IRAK3: variants seen among roughly 807,000 people sequenced by gnomAD.
IRAK3 encodes interleukin 1 receptor associated kinase 3.
Under a neutral mutation model 56.6 loss-of-function variants are expected in IRAK3, and 57 were observed. The ratio of observed to expected loss-of-function variants is 1.01; its 90% CI spans 0.81 to 1.26. IRAK3 has a LOEUF of 1.26. Among genes scored for constraint, IRAK3 ranks in the 50% most tolerant of loss-of-function variants. The pLI is 0.00. For synonymous variants in IRAK3, 258 were observed against 255.7 expected, an observed-to-expected ratio of 1.01 and a Z score of -0.09; for missense variants, 703 against 719.0, an observed-to-expected ratio of 0.98 and a Z score of 0.25.
chr12:66,210,798 G>A (rs903154487), intron 4 of IRAK3, among the ~76,000 whole-genome samples: 4 of 152,100 alleles, frequency 2.6e-5, no homozygotes, highest in Admixed American at 6.5e-5. Context: ...CAACAATAAG[G>A]TCTAAATCAA....
intron 8 of IRAK3, among the ~76,000 whole-genome samples, chr12:66,236,874 C>T (rs1152909): frequency 0.55 from 83,665 of 151,844 alleles, 24,890 homozygotes; most frequent in South Asian, 0.65. Flanking sequence ...TTTAGGGAGG[C>T]GCCTCCAGCC....
chr12:66,198,183 C>A, intron 1 of IRAK3: 1 of 822,510 alleles, frequency 1.2e-6, no homozygotes, highest in Non-Finnish European at 1.5e-6. Context: ...CTGAATTGGT[C>A]CCATTGCTTT....
chr12:66,236,567 A>G (rs1022866446), intron 8 of IRAK3, among the ~76,000 whole-genome samples: 3 of 142,888 alleles, frequency 2.1e-5, no homozygotes, highest in Non-Finnish European at 4.6e-5. Context: ...GACTCCGTCT[A>G]AAAAAAAAAA....
chr12:66,195,318 G>A (rs1375988284), intron 1 of IRAK3, among the ~76,000 whole-genome samples: 1 of 152,132 alleles, frequency 6.6e-6, no homozygotes, highest in Non-Finnish European at 1.5e-5. Flanking sequence ...TACTATTTTA[G>A]CAGTTGGCTG....
chr12:66,227,078 A>G (rs769109356), intron 7 of IRAK3, among the ~76,000 whole-genome samples: 9 of 152,178 alleles, frequency 5.9e-5, no homozygotes, highest in African/African-American at 9.7e-5. Flanking sequence ...CTTACTCATT[A>G]TATGGTAAGA....
chr12:66,242,959 A>G (rs371479441), intron 8 of IRAK3, among the ~76,000 whole-genome samples: 6 of 151,910 alleles, frequency 3.9e-5, no homozygotes, highest in Non-Finnish European at 5.9e-5. Flanking sequence ...CCAGCTACTC[A>G]GGAGGCTGAG....
At chr12:66,222,919 G>A (rs554076894) in intron 6 of IRAK3, among the ~76,000 whole-genome samples, 13 of 152,148 alleles carry the variant, frequency 8.5e-5, no homozygotes, top group Admixed American at 5.9e-4. Flanking sequence ...GGGTGCAGGC[G>A]GGCTGAGTCC....
intron 6 of IRAK3, among the ~76,000 whole-genome samples, chr12:66,220,120 G>A (rs1236293467): frequency 2.0e-5 from 3 of 152,066 alleles, no homozygotes; most frequent in South Asian, 2.1e-4. Flanking sequence ...AAAAATCATT[G>A]CCAAGACCAA....
At position 66,211,437 on chromosome 12, in the gene IRAK3, C is replaced by T; in HGVS notation, c.437-9C>T. On this transcript the variant is annotated splice_polypyrimidine_tract_variant and intron_variant, in intron 4 of 11. Coordinates refer to ENST00000261233, the MANE Select transcript of IRAK3 (RefSeq NM_007199.3). ...GCTAACTTATCTTCCCCCTACTTTCCTTCCTAAGGAATACTGCTTAAATCT... is the reference window on the plus strand; with the variant it reads ...GCTAACTTATCTTCCCCCTACTTTCTTTCCTAAGGAATACTGCTTAAATCT... The T allele has an allele frequency of 6.3e-7, 1 of 1,579,560 alleles. No homozygotes were observed. Among genetic ancestry groups the T allele is most frequent in the Non-Finnish European group, 8.7e-7 (1 of 1,148,764 alleles).
chr12:66,223,548 A>C (rs796332054), intron 6 of IRAK3, among the ~76,000 whole-genome samples: 22 of 150,036 alleles, frequency 1.5e-4, no homozygotes, highest in African/African-American at 5.1e-4. Flanking sequence ...AGTCCCAGCT[A>C]CTCGGGAGGC....
At chr12:66,209,416 A>G in intron 2 of IRAK3, 40 bp from the exon 3 acceptor site, 1 of 1,274,362 alleles carries the variant, frequency 7.8e-7, no homozygotes, top group Non-Finnish European at 1.1e-6. Flanking sequence ...TTAGGGACAT[A>G]AAATTTTTTT....
chr12:66,204,690 T>G (rs2136919943), intron 2 of IRAK3, among the ~76,000 whole-genome samples: 1 of 152,282 alleles, frequency 6.6e-6, no homozygotes, highest in South Asian at 2.1e-4. Context: ...ATCTTTATTC[T>G]TTGGCTCTTT....
At chr12:66,217,563 T>A (rs540706001) in intron 6 of IRAK3, among the ~76,000 whole-genome samples, 1 of 152,286 alleles carries the variant, frequency 6.6e-6, no homozygotes, top group African/African-American at 2.4e-5. Flanking sequence ...TTAGAGAAAT[T>A]CCAGTCTAGA....
Position 66,251,379 on chromosome 12 carries a change from T to C in IRAK3, c.*3208T>C, listed in dbSNP as rs2053098079. ...AGAGGATACCTTTATAGTTTCATGATGTGGAGACCAAGATACATAAGAAAG... is the reference window on the plus strand; with the variant it reads ...AGAGGATACCTTTATAGTTTCATGACGTGGAGACCAAGATACATAAGAAAG... On this transcript the variant is annotated 3_prime_UTR_variant, in exon 12 of 12. Coordinates refer to ENST00000261233, the MANE Select transcript of IRAK3 (RefSeq NM_007199.3). 1 of 152,216 alleles carries C rather than the reference T, an allele frequency of 6.6e-6. No individual in the cohort carries two copies. The highest frequency in any genetic ancestry group is 2.4e-5 in the African/African-American group (1 of 41,452). The allele number at this position is 152,216 out of a possible 1,614,324, so 9.4% of individuals were successfully genotyped here.
rs982025149 is a variant in IRAK3, at chr12:66,250,531, G to C, written c.*2360G>C. The C allele has an allele frequency of 1.3e-5, 2 of 152,220 alleles. No individual in the cohort carries two copies. Among genetic ancestry groups the C allele is most frequent in the Admixed American group, 1.3e-4 (2 of 15,284 alleles). 9.4% of individuals were successfully genotyped at this position (152,220 alleles called of 1,614,324 possible). ...TCGGTAAGCAGTTGGGAGAACCCAT[G>C]CCCACCACTGCTCTGTACGGTATCT... On this transcript the variant is annotated 3_prime_UTR_variant, in exon 12 of 12. Transcript: ENST00000261233.
At chr12:66,212,136 A>T (rs539041391) in intron 5 of IRAK3, among the ~76,000 whole-genome samples, 28 of 152,192 alleles carry the variant, frequency 1.8e-4, no homozygotes, top group African/African-American at 6.7e-4. Context: ...GACTTCTGAA[A>T]AGTCTCCAGG....
intron 8 of IRAK3, among the ~76,000 whole-genome samples, chr12:66,242,406 C>T (rs1244358406): frequency 1.3e-5 from 2 of 152,184 alleles, no homozygotes; most frequent in African/African-American, 4.8e-5. Flanking sequence ...TTATCTAGAG[C>T]TGGAGAGAAG....
intron 11 of IRAK3, among the ~76,000 whole-genome samples, chr12:66,246,157 T>C (rs1484903948): frequency 6.6e-6 from 1 of 152,110 alleles, no homozygotes; most frequent in East Asian, 1.9e-4. Context: ...AGCTTTTTGA[T>C]AGATATGACG....
intron 1 of IRAK3, among the ~76,000 whole-genome samples, chr12:66,203,266 A>G (rs2052526403): frequency 6.6e-6 from 1 of 152,188 alleles, no homozygotes; most frequent in South Asian, 2.1e-4. Context: ...ATAAAAATAA[A>G]CATTATTATT....
Sources: allele counts gnomAD v4.1 joint callset (sites outside exome capture counted in the v4.1 genomes callset), GRCh38; gene constraint gnomAD v4.1.1; transcripts MANE v1.5; gene names NCBI Gene and HGNC (gene_info 2026-07-23, HGNC 2026-07-21).